LHFPL2: variants seen among roughly 807,000 people sequenced by gnomAD.
LHFPL2 encodes the protein LHFPL tetraspan subfamily member 2 protein.
Under a neutral mutation model 17.5 loss-of-function variants are expected in LHFPL2, and 7 were observed. That is an observed-to-expected ratio of 0.40 (90% CI 0.23 to 0.75). The LOEUF (loss-of-function observed/expected upper bound fraction) is 0.75, where lower values mean the gene tolerates loss of function less well. Ranked by LOEUF, LHFPL2 falls within the 30% of genes least tolerant of loss-of-function variation. The pLI, the probability that LHFPL2 is intolerant of heterozygous loss-of-function variation, is 0.37. For missense variants in LHFPL2, 241 were observed against 294.8 expected (o/e 0.82, Z 1.34); for synonymous variants, 134 against 116.2 (o/e 1.15, Z -0.99).
chr5:78,566,254 T>G (rs1422868435), intron 2 of LHFPL2, among the ~76,000 whole-genome samples: 1 of 152,216 alleles, frequency 6.6e-6, no homozygotes, highest in Admixed American at 6.5e-5. Flanking sequence ...TGCAGGTAAG[T>G]AGCTTAATAT....
chr5:78,496,658 A>G (rs1754616850), intron 4 of LHFPL2, among the ~76,000 whole-genome samples: 1 of 152,198 alleles, frequency 6.6e-6, no homozygotes, highest in Non-Finnish European at 1.5e-5. Flanking sequence ...CTTAGACAGC[A>G]TTCCAGGCTT....
At chr5:78,579,632 G>A (rs529445727) in intron 2 of LHFPL2, among the ~76,000 whole-genome samples, 2,448 of 152,120 alleles carry the variant, frequency 0.016, 71 homozygotes, top group African/African-American at 0.056. Context: ...TGAGAATGAT[G>A]ATTTCCAATT....
chr5:78,572,439 TATGTGTATATATATGTATGTGTATATAC>T (rs1757020961), intron 2 of LHFPL2, among the ~76,000 whole-genome samples: 1 of 151,160 alleles, frequency 6.6e-6, no homozygotes, highest in Non-Finnish European at 1.5e-5. Context: ...TATATGTATG[TATGTGTATATATATGTATGTGTATATAC>T]ATGTGTATAT....
At chr5:78,624,376 A>G (rs1744960468) in intron 2 of LHFPL2, among the ~76,000 whole-genome samples, 1 of 152,212 alleles carries the variant, frequency 6.6e-6, no homozygotes, top group Non-Finnish European at 1.5e-5. Flanking sequence ...GTCCCAGAGG[A>G]GGCACACAAA....
At chr5:78,626,586 C>A (rs993080912) in intron 2 of LHFPL2, 2 of 152,108 alleles carry the variant, frequency 1.3e-5, no homozygotes, top group Admixed American at 1.3e-4. Flanking sequence ...CTGAGGGCAC[C>A]GCATCCAACT....
Position 78,487,937 on chromosome 5 carries a change from G to A in LHFPL2, c.*960C>T, listed in dbSNP as rs1239247062. 6.6e-6 allele frequency: 1 copy of A among 152,174 alleles called. No individual in the cohort carries two copies. The highest frequency in any genetic ancestry group is 2.4e-5 in the African/African-American group (1 of 41,446). 9.4% of individuals were successfully genotyped at this position (152,174 alleles called of 1,614,324 possible). On this transcript the variant is annotated 3_prime_UTR_variant, in exon 5 of 5. Coordinates refer to ENST00000380345, the MANE Select transcript of LHFPL2 (RefSeq NM_005779.3). ...TTGGAAATAGAGCTGACTACAGCAT[G>A]GTCACCAAACTGGGAGTAAAGGTCT...
chr5:78,640,517 C>T (rs1425205137), intron 1 of LHFPL2, among the ~76,000 whole-genome samples: 1 of 152,156 alleles, frequency 6.6e-6, no homozygotes, highest in Admixed American at 6.5e-5. Flanking sequence ...AAGGATGCAC[C>T]ATGGATATCA....
intron 3 of LHFPL2, among the ~76,000 whole-genome samples, chr5:78,564,367 C>A (rs1756806055): frequency 6.6e-6 from 1 of 152,206 alleles, no homozygotes; most frequent in Admixed American, 6.5e-5. Flanking sequence ...CTGTTTTTAA[C>A]TTTTATTCCC....
At chr5:78,495,835 T>C (rs1429986288) in intron 4 of LHFPL2, among the ~76,000 whole-genome samples, 1 of 152,192 alleles carries the variant, frequency 6.6e-6, no homozygotes, top group East Asian at 1.9e-4. Flanking sequence ...AGACCATTTA[T>C]GGATGGCCAT....
chr5:78,630,591 C>T (rs1411280289), intron 2 of LHFPL2, among the ~76,000 whole-genome samples: 2 of 151,834 alleles, frequency 1.3e-5, no homozygotes, highest in Non-Finnish European at 2.9e-5. Flanking sequence ...GTCTTTCATT[C>T]AATTCTCCTT....
intron 3 of LHFPL2, among the ~76,000 whole-genome samples, chr5:78,533,338 A>G (rs1755842383): frequency 6.6e-6 from 1 of 152,236 alleles, no homozygotes; most frequent in African/African-American, 2.4e-5. Flanking sequence ...ATTAGGTATG[A>G]GAGTAATGCC....
At chr5:78,511,645 G>T (rs939001267) in intron 3 of LHFPL2, among the ~76,000 whole-genome samples, 2 of 152,186 alleles carry the variant, frequency 1.3e-5, no homozygotes, top group Non-Finnish European at 2.9e-5. Context: ...GAGAAGCGGA[G>T]AAATAAGGAA....
intron 3 of LHFPL2, among the ~76,000 whole-genome samples, chr5:78,562,594 C>G (rs1461702231): frequency 2.0e-5 from 3 of 148,140 alleles, no homozygotes; most frequent in African/African-American, 7.5e-5. Context: ...AAGATCATGT[C>G]ACTGCACTCC....
chr5:78,588,773 T>C (rs559850350), intron 2 of LHFPL2, among the ~76,000 whole-genome samples: 4 of 152,336 alleles, frequency 2.6e-5, no homozygotes, highest in East Asian at 3.9e-4. Flanking sequence ...ACACTGTTAG[T>C]GTGAGGAAGG....
intron 2 of LHFPL2, among the ~76,000 whole-genome samples, chr5:78,619,485 TTA>T (rs60911149): frequency 9.4e-5 from 14 of 148,866 alleles, no homozygotes; most frequent in South Asian, 2.1e-4. Flanking sequence ...GAGTTTTTAT[TTA>T]TATATATATA....
chr5:78,626,760 T>A (rs902584170), intron 2 of LHFPL2: 1 of 151,512 alleles, frequency 6.6e-6, no homozygotes, highest in Non-Finnish European at 1.5e-5. Flanking sequence ...CAAGAGAAGT[T>A]TTTTTTTTCT....
rs184167944 is a variant in LHFPL2 at position 78,598,636 on chromosome 5, T to C, written c.-245+33628A>G. Among the ~76,000 whole-genome samples the C allele has an allele frequency of 3.9e-5, 6 of 152,298 alleles. No homozygotes were observed. In the East Asian group the frequency reaches 5.8e-4, roughly 15 times the overall value. ...TTAGAGGACCAAGAACAGAGAAAGTTTGGGATCTTCTGGGTCAAGACAACC... is the reference window on the plus strand; with the variant it reads ...TTAGAGGACCAAGAACAGAGAAAGTCTGGGATCTTCTGGGTCAAGACAACC... On this transcript the variant is annotated intron_variant, in intron 2 of 4. Transcript: ENST00000380345.
chr5:78,620,562 T>G (rs1344770973), intron 2 of LHFPL2, among the ~76,000 whole-genome samples: 1 of 152,166 alleles, frequency 6.6e-6, no homozygotes, highest in Non-Finnish European at 1.5e-5. Flanking sequence ...AATTCTGCCC[T>G]CTTCCACACC....
intron 2 of LHFPL2, among the ~76,000 whole-genome samples, chr5:78,586,435 T>G (rs1326076199): frequency 6.6e-6 from 1 of 152,226 alleles, no homozygotes; most frequent in East Asian, 1.9e-4. Flanking sequence ...GGAACAGTCA[T>G]GTCCTCATTT....
Sources: allele counts gnomAD v4.1 joint callset (sites outside exome capture counted in the v4.1 genomes callset), GRCh38; gene constraint gnomAD v4.1.1; transcripts MANE v1.5; gene names NCBI Gene and HGNC (gene_info 2026-07-23, HGNC 2026-07-21).